Variants in MAD1L1 observed in about 807,000 individuals in gnomAD.
The protein encoded by MAD1L1 is mitotic spindle assembly checkpoint protein MAD1.
A neutral mutation model predicts 96.9 loss-of-function variants in MAD1L1; 95 were observed. That is an observed-to-expected ratio of 0.98 (90% CI 0.83 to 1.16). The LOEUF (loss-of-function observed/expected upper bound fraction) is 1.16. MAD1L1 is among the 50% of genes most tolerant of loss of function. The pLI is 0.00. For missense variants in MAD1L1, 1,007 were observed against 954.4 expected (o/e 1.06, Z -0.73); for synonymous variants, 473 against 396.6 (o/e 1.19, Z -2.29).
At chr7:2,164,604 G>C (rs1048296140) in intron 10 of MAD1L1, among the ~76,000 whole-genome samples, 32 of 145,944 alleles carry the variant, frequency 2.2e-4, no homozygotes, top group South Asian at 1.8e-3. Flanking sequence ...GGGGGGGGGG[G>C]GGGTTGCGGG....
intron 15 of MAD1L1, among the ~76,000 whole-genome samples, chr7:1,970,276 T>C (rs185428041): frequency 1.3e-4 from 20 of 152,006 alleles, no homozygotes; most frequent in African/African-American, 4.3e-4. Flanking sequence ...TTAGAGTTCA[T>C]AGAGCTGTAT....
intron 18 of MAD1L1, among the ~76,000 whole-genome samples, chr7:1,818,519 C>T (rs1456449407): frequency 6.6e-6 from 1 of 152,112 alleles, no homozygotes; most frequent in Non-Finnish European, 1.5e-5. Context: ...GTTGGAATGA[C>T]AGGCATGTGC....
At chr7:2,105,352 A>G (rs1787033391) in intron 11 of MAD1L1, among the ~76,000 whole-genome samples, 1 of 145,784 alleles carries the variant, frequency 6.9e-6, no homozygotes. Context: ...AAGGCCACTC[A>G]GGGCAGAACA....
chr7:1,975,464 T>C (rs945503957), intron 15 of MAD1L1, among the ~76,000 whole-genome samples: 4 of 151,980 alleles, frequency 2.6e-5, no homozygotes, highest in South Asian at 2.1e-4. Flanking sequence ...CAGGCTGAAC[T>C]CTCCCTGGCG....
intron 18 of MAD1L1, chr7:1,845,504 G>A (rs1236421703): frequency 1.4e-5 from 1 of 70,066 alleles, no homozygotes; most frequent in Non-Finnish European, 3.1e-5. Flanking sequence ...TCATGGGGAA[G>A]AGCTCTGTTT....
intron 13 of MAD1L1, among the ~76,000 whole-genome samples, chr7:2,003,320 T>A (rs1781888906): frequency 6.6e-6 from 1 of 151,996 alleles, no homozygotes; most frequent in South Asian, 2.1e-4. Context: ...CATGTGCACA[T>A]GTGGTGGGGA....
At chr7:2,020,282 C>T (rs1325493703) in intron 12 of MAD1L1, among the ~76,000 whole-genome samples, 1 of 152,208 alleles carries the variant, frequency 6.6e-6, no homozygotes, top group African/African-American at 2.4e-5. Context: ...CCGCTCTGGG[C>T]TGCCGGAAGG....
chr7:1,985,194 G>C (rs528670617), intron 14 of MAD1L1, among the ~76,000 whole-genome samples: 5 of 152,208 alleles, frequency 3.3e-5, no homozygotes, highest in Non-Finnish European at 7.3e-5. Context: ...AGACGGCCCC[G>C]GGCAGCATGG....
At chr7:2,162,614 C>T (rs972981590) in intron 10 of MAD1L1, among the ~76,000 whole-genome samples, 1 of 141,588 alleles carries the variant, frequency 7.1e-6, no homozygotes, top group Non-Finnish European at 1.5e-5. Context: ...AAACAAAAAA[C>T]CAACTTAAAG....
intron 12 of MAD1L1, among the ~76,000 whole-genome samples, chr7:2,019,755 G>A (rs955782812): frequency 6.6e-6 from 1 of 151,786 alleles, no homozygotes; most frequent in Non-Finnish European, 1.5e-5. Context: ...CCACGCCACA[G>A]TGCTGAGTGC....
intron 16 of MAD1L1, among the ~76,000 whole-genome samples, chr7:1,955,169 C>A (rs748469492): frequency 1.1e-4 from 16 of 152,248 alleles, no homozygotes; most frequent in Admixed American, 1.0e-3. Context: ...CCTCTCCAAG[C>A]ATATGTTCCC....
At chr7:1,865,660 C>A (rs1354817758) in intron 18 of MAD1L1, among the ~76,000 whole-genome samples, 1 of 152,252 alleles carries the variant, frequency 6.6e-6, no homozygotes, top group Non-Finnish European at 1.5e-5. Context: ...AGAGGCTGTT[C>A]ACACAAGATC....
intron 15 of MAD1L1, among the ~76,000 whole-genome samples, chr7:1,972,998 T>C (rs1227284581): frequency 6.6e-6 from 1 of 152,216 alleles, no homozygotes; most frequent in Non-Finnish European, 1.5e-5. Flanking sequence ...TTTGGGTTCA[T>C]TACACTCAGA....
chr7:2,026,335 A>G (rs760452903), intron 12 of MAD1L1, among the ~76,000 whole-genome samples: 1 of 152,244 alleles, frequency 6.6e-6, no homozygotes, highest in Non-Finnish European at 1.5e-5. Context: ...TGACAAAATT[A>G]AAAGAAGAAA....
chr7:1,857,104 G>A (rs914909396), intron 18 of MAD1L1, among the ~76,000 whole-genome samples: 1 of 152,160 alleles, frequency 6.6e-6, no homozygotes, highest in Non-Finnish European at 1.5e-5. Context: ...TCTCCCCCTC[G>A]GTGCCCGAGG....
At chr7:2,176,373 G>C (rs1475902118) in intron 10 of MAD1L1, among the ~76,000 whole-genome samples, 1 of 152,020 alleles carries the variant, frequency 6.6e-6, no homozygotes, top group Non-Finnish European at 1.5e-5. Flanking sequence ...AAATAAAAGA[G>C]TGAAATATTG....
At chr7:2,001,926 C>CA in intron 14 of MAD1L1, 139 bp downstream of exon 14, 1 of 857,342 alleles carries the variant, frequency 1.2e-6, no homozygotes, top group East Asian at 2.4e-5. Context: ...CACCCTTCCC[C>CA]GCTCAACGCA....
chr7:2,104,575 C>T (rs184623247), intron 11 of MAD1L1, among the ~76,000 whole-genome samples: 13 of 152,362 alleles, frequency 8.5e-5, no homozygotes, highest in Admixed American at 2.6e-4. Flanking sequence ...AGATCTTCCA[C>T]GAAAGCTCCC....
In MAD1L1 at chr7:1,816,172, G is replaced by A. The variant is rs377713158; in HGVS notation, c.2055C>T (p.Thr685=). The A allele has an allele frequency of 3.4e-5, 55 of 1,613,436 alleles. No homozygotes were observed. Among genetic ancestry groups the A allele is most frequent in the Middle Eastern group, 1.7e-4 (1 of 5,864 alleles). Reference sequence around the variant, plus strand: ...GGTGCACCTCGATGAGCTCGCCCACGGTGTGTGAGAACTCTGTCTCCAGTA... The same window carrying A: ...GGTGCACCTCGATGAGCTCGCCCACAGTGTGTGAGAACTCTGTCTCCAGTA... ...MQLLETEFSH[T]VGELIEVHLR... The change falls in exon 19 of 19, where the codon ACC becomes ACT. Residue 685 remains threonine, a synonymous_variant. Transcript: ENST00000265854.
Sources: allele counts gnomAD v4.1 joint callset (sites outside exome capture counted in the v4.1 genomes callset), GRCh38; gene constraint gnomAD v4.1.1; transcripts MANE v1.5; gene names NCBI Gene and HGNC (gene_info 2026-07-23, HGNC 2026-07-21).